The following HYCC2 variants were observed in gnomAD, a reference collection of about 807,000 sequenced individuals.
The protein encoded by HYCC2 is hyccin 2.
the HYCC2 span, chr2:201,022,824 C>A: frequency 6.5e-7 from 1 of 1,539,766 alleles, no homozygotes; most frequent in Non-Finnish European, 9.0e-7. Context: ...TTCTTGAGGT[C>A]TCCTACCTCA....
At chr2:201,011,000 C>T in the HYCC2 span, among the ~76,000 whole-genome samples, 1 of 151,764 alleles carries the variant, frequency 6.6e-6, no homozygotes, top group East Asian at 1.9e-4. Flanking sequence ...AAAAAATTAG[C>T]CAGGCATGGT....
the HYCC2 span, among the ~76,000 whole-genome samples, chr2:201,042,587 G>A: frequency 5.8e-4 from 88 of 151,382 alleles, 2 homozygotes; most frequent in South Asian, 0.018. Context: ...TGAGAAGTGA[G>A]GAGCCCATCC....
the HYCC2 span, among the ~76,000 whole-genome samples, chr2:201,046,554 G>A: frequency 9.2e-5 from 14 of 152,006 alleles, no homozygotes; most frequent in Non-Finnish European, 4.4e-5. Flanking sequence ...TGTACCTTGG[G>A]AATTTTGAAC....
chr2:200,993,886 C>T, the HYCC2 span, among the ~76,000 whole-genome samples: 2 of 151,772 alleles, frequency 1.3e-5, no homozygotes, highest in South Asian at 4.2e-4. Flanking sequence ...ACGAGAATGG[C>T]GTGAACCTGG....
chr2:200,978,605 A>C, the HYCC2 span: 1 of 150,816 alleles, frequency 6.6e-6, no homozygotes, highest in Non-Finnish European at 1.5e-5. Context: ...CCTCCCGAGT[A>C]GCTGGGATTA....
At chr2:201,058,262 A>G in the HYCC2 span, among the ~76,000 whole-genome samples, 1 of 152,318 alleles carries the variant, frequency 6.6e-6, no homozygotes, top group African/African-American at 2.4e-5. Flanking sequence ...ACCCCCAGGG[A>G]TCTATAATAA....
the HYCC2 span, among the ~76,000 whole-genome samples, chr2:201,026,277 A>G: frequency 1.3e-5 from 2 of 152,208 alleles, no homozygotes; most frequent in Admixed American, 6.5e-5. Flanking sequence ...TCCTAAATAT[A>G]TATGCACCCA....
chr2:201,023,676 T>C, the HYCC2 span: 2 of 226,038 alleles, frequency 8.8e-6, no homozygotes, highest in South Asian at 3.2e-4. Context: ...TAAAGCTTGA[T>C]GGATCTTCTC....
chr2:200,992,121 G>A, the HYCC2 span, among the ~76,000 whole-genome samples: 2 of 152,128 alleles, frequency 1.3e-5, no homozygotes, highest in Admixed American at 1.3e-4. Flanking sequence ...ACTGGAAGGT[G>A]GAAAGGACCT....
the HYCC2 span, among the ~76,000 whole-genome samples, chr2:201,024,868 C>T: frequency 6.6e-6 from 1 of 152,104 alleles, no homozygotes; most frequent in Non-Finnish European, 1.5e-5. Context: ...GCAATCCCAG[C>T]ACTTTGGGAG....
At chr2:201,041,442 G>A in the HYCC2 span, among the ~76,000 whole-genome samples, 12 of 152,312 alleles carry the variant, frequency 7.9e-5, no homozygotes, top group East Asian at 2.3e-3. Flanking sequence ...CAGCACATCT[G>A]TGCAGGCTGT....
At chr2:200,981,620 G>A in the HYCC2 span, 1 of 1,614,084 alleles carries the variant, frequency 6.2e-7, no homozygotes, top group Admixed American at 1.7e-5. The surrounding 1 kb of genome is among the most constrained non-coding windows in gnomAD (Gnocchi z 4.5). Context: ...TCTACACTAA[G>A]ATCAGTTGGT....
the HYCC2 span, among the ~76,000 whole-genome samples, chr2:201,007,428 ATACTG>A: frequency 6.6e-6 from 1 of 152,194 alleles, no homozygotes; most frequent in African/African-American, 2.4e-5. Context: ...AATTTACTGA[ATACTG>A]TACTGAAAGT....
chr2:201,001,004 G>A, the HYCC2 span, among the ~76,000 whole-genome samples: 1 of 151,990 alleles, frequency 6.6e-6, no homozygotes, highest in African/African-American at 2.4e-5. Flanking sequence ...CAGGCACGGT[G>A]TTGCACACCT....
the HYCC2 span, among the ~76,000 whole-genome samples, chr2:201,038,589 T>C: frequency 3.3e-5 from 5 of 152,170 alleles, no homozygotes; most frequent in South Asian, 4.1e-4. Context: ...TCATGTCCTT[T>C]GTAGGGACAT....
the HYCC2 span, among the ~76,000 whole-genome samples, chr2:201,042,297 G>A: frequency 2.6e-5 from 4 of 152,280 alleles, no homozygotes; most frequent in East Asian, 1.9e-4. Context: ...GCGTGATCTC[G>A]GATCGCTACA....
the HYCC2 span, chr2:201,045,559 G>A: frequency 2.5e-6 from 1 of 398,134 alleles, no homozygotes; most frequent in Non-Finnish European, 4.4e-6. Flanking sequence ...TTCAAGTGGG[G>A]AATTCATTTG....
chr2:201,041,392 T>G, the HYCC2 span, among the ~76,000 whole-genome samples: 1 of 152,230 alleles, frequency 6.6e-6, no homozygotes, highest in Non-Finnish European at 1.5e-5. Context: ...GGCCATACTC[T>G]CCTTTGAGTT....
At chr2:201,068,128 A>AG in the HYCC2 span, among the ~76,000 whole-genome samples, 3 of 152,172 alleles carry the variant, frequency 2.0e-5, no homozygotes, top group East Asian at 5.8e-4. Context: ...CTACTAAAAA[A>AG]AATGCAAAAT....
Sources: allele counts gnomAD v4.1 joint callset (sites outside exome capture counted in the v4.1 genomes callset), GRCh38; gene constraint gnomAD v4.1.1; non-coding constraint Gnocchi (gnomAD v3.1); transcripts MANE v1.5; gene names NCBI Gene and HGNC (gene_info 2026-07-23, HGNC 2026-07-21).